The following SGCZ variants were observed in gnomAD, a reference collection of about 807,000 sequenced individuals.
SGCZ encodes the protein sarcoglycan zeta.
In SGCZ, 40 loss-of-function variants were observed where a neutral mutation model predicts 41.3. That is an observed-to-expected ratio of 0.97 (90% CI 0.75 to 1.26). SGCZ has a LOEUF of 1.26. Among genes scored for constraint, SGCZ ranks in the 50% most tolerant of loss-of-function variants. The probability of loss-of-function intolerance (pLI) is 0.00; values close to 1 mark genes in which losing one functional copy is unlikely to be tolerated. For synonymous variants in SGCZ, 206 were observed against 137.5 expected, an observed-to-expected ratio of 1.50 and a Z score of -3.49; for missense variants, 552 against 369.8, an observed-to-expected ratio of 1.49 and a Z score of -4.04.
chr8:14,183,017 A>G (rs1264617108), intron 4 of SGCZ, among the ~76,000 whole-genome samples: 3 of 151,832 alleles, frequency 2.0e-5, no homozygotes, highest in Non-Finnish European at 4.4e-5. Context: ...GTCTCAAAAA[A>G]AAAAAAAAAA....
intron 1 of SGCZ, among the ~76,000 whole-genome samples, chr8:15,061,529 A>AT (rs1310071521): frequency 8.1e-6 from 1 of 123,468 alleles, no homozygotes; most frequent in East Asian, 2.3e-4. Flanking sequence ...CTTACAGTAT[A>AT]TAAAAAAAAA....
At chr8:15,093,082 C>T (rs1001635108) in intron 1 of SGCZ, among the ~76,000 whole-genome samples, 1 of 152,190 alleles carries the variant, frequency 6.6e-6, no homozygotes, top group Non-Finnish European at 1.5e-5. Flanking sequence ...AAGTTGGACC[C>T]TGGCCCTCCT....
chr8:14,991,942 C>T (rs917362454), intron 1 of SGCZ, among the ~76,000 whole-genome samples: 1 of 151,700 alleles, frequency 6.6e-6, no homozygotes, highest in African/African-American at 2.4e-5. Flanking sequence ...TGAATTTTAC[C>T]TCTCACCCAT....
intron 1 of SGCZ, among the ~76,000 whole-genome samples, chr8:14,788,375 A>C (rs1443211336): frequency 6.6e-6 from 1 of 152,196 alleles, no homozygotes; most frequent in African/African-American, 2.4e-5. Context: ...CTCATTAGCC[A>C]ATTAGGAGGA....
At chr8:14,416,922 C>T (rs1323251234) in intron 2 of SGCZ, among the ~76,000 whole-genome samples, 1 of 151,826 alleles carries the variant, frequency 6.6e-6, no homozygotes, top group East Asian at 1.9e-4. Context: ...AAAAAAAGAG[C>T]ATATGTGTGA....
At chr8:14,467,831 T>A (rs1048068703) in intron 2 of SGCZ, among the ~76,000 whole-genome samples, 1 of 152,074 alleles carries the variant, frequency 6.6e-6, no homozygotes, top group Non-Finnish European at 1.5e-5. Flanking sequence ...GAAAATGACA[T>A]CTTCTTAAAT....
chr8:14,850,443 A>G (rs1803273869), intron 1 of SGCZ, among the ~76,000 whole-genome samples: 1 of 152,150 alleles, frequency 6.6e-6, no homozygotes, highest in Non-Finnish European at 1.5e-5. Context: ...GTTAGTTTTG[A>G]TTGGCGAGAT....
At chr8:14,719,805 G>C (rs187168562) in intron 1 of SGCZ, among the ~76,000 whole-genome samples, 220 of 151,910 alleles carry the variant, frequency 1.4e-3, no homozygotes, top group Middle Eastern at 3.4e-3. Flanking sequence ...TTTGTAGGTT[G>C]CCTGTTCACT....
intron 3 of SGCZ, among the ~76,000 whole-genome samples, chr8:14,297,358 A>C (rs1202053643): frequency 6.6e-6 from 1 of 152,112 alleles, no homozygotes; most frequent in African/African-American, 2.4e-5. Flanking sequence ...AGAAGCTAGC[A>C]AAAAAGGGAG....
At chr8:14,337,846 T>C (rs986649148) in intron 2 of SGCZ, among the ~76,000 whole-genome samples, 1 of 151,926 alleles carries the variant, frequency 6.6e-6, no homozygotes, top group African/African-American at 2.4e-5. Context: ...CTTTTAGCAA[T>C]GGAGATGGCA....
intron 3 of SGCZ, among the ~76,000 whole-genome samples, chr8:14,296,609 G>T (rs1801020761): frequency 6.6e-6 from 1 of 152,052 alleles, no homozygotes; most frequent in Non-Finnish European, 1.5e-5. Context: ...CTATTGGAAG[G>T]TTCGTAAAAT....
At chr8:15,127,309 G>T (rs1807740929) in intron 1 of SGCZ, among the ~76,000 whole-genome samples, 1 of 151,034 alleles carries the variant, frequency 6.6e-6, no homozygotes, top group African/African-American at 2.4e-5. Context: ...TGGCATACCA[G>T]GATAGGCGTT....
chr8:14,534,991 G>T (rs1233120629), intron 2 of SGCZ, among the ~76,000 whole-genome samples: 1 of 151,808 alleles, frequency 6.6e-6, no homozygotes, highest in African/African-American at 2.4e-5. Context: ...AAAGTCCCTG[G>T]ACCTTCTAGG....
At chr8:15,074,140 T>G (rs79746031) in intron 1 of SGCZ, among the ~76,000 whole-genome samples, 1 of 152,154 alleles carries the variant, frequency 6.6e-6, no homozygotes, top group African/African-American at 2.4e-5. Context: ...CGTCACTGAC[T>G]CCCAGATGTC....
In SGCZ at chr8:14,086,288, G is replaced by C. The variant is rs780549282; in HGVS notation, c.*4155C>G. Among the ~76,000 whole-genome samples the C allele has an allele frequency of 6.6e-6, 1 of 151,604 alleles. No homozygotes were observed. Among genetic ancestry groups the C allele is most frequent in the African/African-American group, 2.4e-5 (1 of 41,342 alleles). On this transcript the variant is annotated 3_prime_UTR_variant, in exon 8 of 8. Transcript: ENST00000382080. ...TTTAATAATTTAACATTATTATGTTGACATTCTCTGCTATGAAATATAACA... is the reference window on the plus strand; with the variant it reads ...TTTAATAATTTAACATTATTATGTTCACATTCTCTGCTATGAAATATAACA...
chr8:14,732,279 G>T (rs963591730), intron 1 of SGCZ, among the ~76,000 whole-genome samples: 1 of 152,076 alleles, frequency 6.6e-6, no homozygotes, highest in Non-Finnish European at 1.5e-5. Flanking sequence ...TTCAAGGAAT[G>T]ACAGGATACC....
chr8:15,154,612 C>G (rs1324686550), intron 1 of SGCZ, among the ~76,000 whole-genome samples: 2 of 152,154 alleles, frequency 1.3e-5, no homozygotes, highest in Admixed American at 6.5e-5. Context: ...ACCATATGCT[C>G]TGAGTTGTAA....
intron 2 of SGCZ, among the ~76,000 whole-genome samples, chr8:14,328,873 C>G (rs563472733): frequency 6.6e-6 from 1 of 152,134 alleles, no homozygotes; most frequent in Non-Finnish European, 1.5e-5. Flanking sequence ...TGAAGCTTCA[C>G]GCAGTGTTTC....
chr8:15,044,895 T>G (rs527389258), intron 1 of SGCZ, among the ~76,000 whole-genome samples: 1 of 152,168 alleles, frequency 6.6e-6, no homozygotes, highest in African/African-American at 2.4e-5. Context: ...GTGGCTATAA[T>G]AGTATGAATG....
Sources: gnomAD v4.1 joint callset for allele counts (sites outside exome capture counted in the v4.1 genomes callset) on GRCh38, gnomAD v4.1.1 for gene constraint, MANE v1.5 for transcripts, NCBI Gene and HGNC (gene_info 2026-07-23, HGNC 2026-07-21) for gene names.